The following AGBL4 variants were observed in gnomAD, a reference collection of about 807,000 sequenced individuals.
AGBL4 encodes the protein AGBL carboxypeptidase 4.
AGBL4 carries 58 observed loss-of-function variants against 66.4 expected under a neutral mutation model. The observed-to-expected ratio is 0.87, with a 90% CI of 0.71 to 1.09. The LOEUF (loss-of-function observed/expected upper bound fraction) is 1.09. AGBL4 is among the 50% of genes least tolerant of loss of function. AGBL4 has a pLI of 0.00. For synonymous variants in AGBL4, 234 were observed against 222.9 expected (o/e 1.05, Z -0.44); for missense variants, 579 against 631.0 (o/e 0.92, Z 0.88).
intron 5 of AGBL4, among the ~76,000 whole-genome samples, chr1:48,902,924 C>T (rs1254012735): frequency 1.3e-5 from 2 of 152,100 alleles, no homozygotes; most frequent in Admixed American, 1.3e-4. Flanking sequence ...AAGACTTGGC[C>T]CCTCTCATCT....
chr1:49,719,801 T>G (rs1213031424), intron 2 of AGBL4, among the ~76,000 whole-genome samples: 1 of 152,094 alleles, frequency 6.6e-6, no homozygotes, highest in Non-Finnish European at 1.5e-5. Context: ...CATGCTATTC[T>G]TGTGATGTGA....
At chr1:49,457,372 CT>C (rs1646413076) in intron 3 of AGBL4, among the ~76,000 whole-genome samples, 1 of 151,594 alleles carries the variant, frequency 6.6e-6, no homozygotes, top group Non-Finnish European at 1.5e-5. Context: ...TGTATATCTT[CT>C]TTTGAGAATT....
chr1:49,160,703 A>T (rs1557689906), intron 4 of AGBL4, among the ~76,000 whole-genome samples: 1 of 152,078 alleles, frequency 6.6e-6, no homozygotes. Flanking sequence ...TTTTATCTAT[A>T]AGCCCCTGAC....
intron 3 of AGBL4, among the ~76,000 whole-genome samples, chr1:49,249,299 T>C (rs1651870324): frequency 6.6e-6 from 1 of 152,000 alleles, no homozygotes; most frequent in South Asian, 2.1e-4. Context: ...ACCTCCAGAA[T>C]GGGAGAAAAT....
At chr1:49,576,491 T>C (rs1163985457) in intron 3 of AGBL4, among the ~76,000 whole-genome samples, 1 of 152,196 alleles carries the variant, frequency 6.6e-6, no homozygotes, top group Non-Finnish European at 1.5e-5. Flanking sequence ...CTACTCTCTT[T>C]GTGAGAGACA....
chr1:49,994,943 C>A (rs1478285431), intron 1 of AGBL4: 1 of 355,954 alleles, frequency 2.8e-6, no homozygotes, highest in Admixed American at 3.8e-5. Context: ...AAGAGATGAG[C>A]GAAATATAGG....
At chr1:49,280,348 T>G (rs1644250268) in intron 3 of AGBL4, among the ~76,000 whole-genome samples, 1 of 152,198 alleles carries the variant, frequency 6.6e-6, no homozygotes, top group Admixed American at 6.5e-5. Flanking sequence ...GTTAAACTGT[T>G]TCTTTACTGC....
Position 48,573,492 on chromosome 1 carries a change from C to T in AGBL4, c.1267+13512G>A, listed in dbSNP as rs188398558. Among the ~76,000 whole-genome samples, 6 of 152,314 alleles carry T rather than the reference C, an allele frequency of 3.9e-5. No homozygotes were observed. The East Asian group carries it at 1.2e-3, about 29-fold the overall frequency. Reference sequence around the variant, plus strand: ...AGAGCATCAAATACCAAATCCCAGTCACAGACTGAACCCTGGCTTTAGTCA... The same window carrying T: ...AGAGCATCAAATACCAAATCCCAGTTACAGACTGAACCCTGGCTTTAGTCA... On this transcript the variant is annotated intron_variant, in intron 11 of 13. Transcript: ENST00000371839.
chr1:48,905,010 T>A (rs1162098188), intron 5 of AGBL4, among the ~76,000 whole-genome samples: 2 of 152,250 alleles, frequency 1.3e-5, no homozygotes, highest in Non-Finnish European at 2.9e-5. Context: ...TTCAAAATTA[T>A]AATTACAATC....
rs1029665811 is a variant in AGBL4, at chr1:48,550,651, C to T, written c.1268-10913G>A. On this transcript the variant is annotated intron_variant, in intron 11 of 13. Transcript: ENST00000371839. ...GGGTCATTATTCAGCCTATTCCACA[C>T]TGCCTGAGATTTCATCTGCTTAGCT... Among the ~76,000 whole-genome samples, 6 of 152,140 alleles carry T rather than the reference C, an allele frequency of 3.9e-5. No homozygotes were observed. In the East Asian group the frequency reaches 7.7e-4, roughly 20 times the overall value.
intron 1 of AGBL4, among the ~76,000 whole-genome samples, chr1:49,880,496 T>G (rs1370215697): frequency 6.6e-6 from 1 of 152,118 alleles, no homozygotes; most frequent in Non-Finnish European, 1.5e-5. Context: ...AGGGACCCAC[T>G]TGAGGAGGCA....
At chr1:48,661,918 G>A (rs1646113615) in intron 7 of AGBL4, among the ~76,000 whole-genome samples, 1 of 152,180 alleles carries the variant, frequency 6.6e-6, no homozygotes, top group Admixed American at 6.5e-5. Flanking sequence ...GTTACTGCAA[G>A]GACAATGCTG....
intron 6 of AGBL4, among the ~76,000 whole-genome samples, chr1:48,802,974 G>C (rs1645844050): frequency 6.6e-6 from 1 of 152,228 alleles, no homozygotes; most frequent in African/African-American, 2.4e-5. Context: ...CCCAGGAACA[G>C]TGAAGGCTCC....
chr1:48,647,367 T>C (rs1195668427), intron 8 of AGBL4, among the ~76,000 whole-genome samples: 2 of 152,224 alleles, frequency 1.3e-5, no homozygotes, highest in Admixed American at 6.5e-5. Flanking sequence ...GCAATTACTA[T>C]GGTAATATTG....
At chr1:48,687,370 G>A (rs527268973) in intron 6 of AGBL4, among the ~76,000 whole-genome samples, 1 of 152,276 alleles carries the variant, frequency 6.6e-6, no homozygotes, top group Admixed American at 6.5e-5. Context: ...GAGAGGCGGT[G>A]GAGAAAAGGC....
At chr1:49,147,454 A>T (rs1646239904) in intron 4 of AGBL4, among the ~76,000 whole-genome samples, 1 of 152,130 alleles carries the variant, frequency 6.6e-6, no homozygotes. Context: ...CACTAGCTAG[A>T]TCTTATCTAC....
intron 1 of AGBL4, among the ~76,000 whole-genome samples, chr1:49,961,515 A>G (rs1246586434): frequency 1.3e-5 from 2 of 152,082 alleles, no homozygotes; most frequent in Admixed American, 1.3e-4. Flanking sequence ...TAAAACATAA[A>G]ATAAAATCAT....
intron 3 of AGBL4, among the ~76,000 whole-genome samples, chr1:49,277,602 T>G (rs1348941466): frequency 6.6e-6 from 1 of 152,046 alleles, no homozygotes; most frequent in African/African-American, 2.4e-5. Flanking sequence ...TTCCACTAGA[T>G]AGCTAAAGAA....
intron 4 of AGBL4, among the ~76,000 whole-genome samples, chr1:49,069,368 T>C (rs922175506): frequency 1.3e-5 from 2 of 152,250 alleles, no homozygotes; most frequent in African/African-American, 4.8e-5. Context: ...GTTTTAGGTC[T>C]TACATTTAAG....
Sources: allele counts gnomAD v4.1 joint callset (sites outside exome capture counted in the v4.1 genomes callset), GRCh38; gene constraint gnomAD v4.1.1; transcripts MANE v1.5; gene names NCBI Gene and HGNC (gene_info 2026-07-23, HGNC 2026-07-21).